JRK: variants seen among roughly 807,000 people sequenced by gnomAD.
JRK encodes jerky protein homolog.
For synonymous variants in JRK, 303 were observed against 218.1 expected (o/e 1.39, Z -3.43); for missense variants, 720 against 509.2 (o/e 1.41, Z -3.98).
At position 142,666,534 on chromosome 8, in the gene JRK, G is replaced by C. The variant is rs1847133450; in HGVS notation, c.-462-14C>G. ...GCACTTCAGGGGCTGGAAAGCAGAGGGAACAGAGAGGAAAGTGATGGGGCG... is the reference window on the plus strand; with the variant it reads ...GCACTTCAGGGGCTGGAAAGCAGAGCGAACAGAGAGGAAAGTGATGGGGCG... On this transcript the variant is annotated splice_polypyrimidine_tract_variant and intron_variant, in intron 1 of 1. Coordinates refer to ENST00000612905, the MANE Select transcript of JRK (RefSeq NM_003724.4). The C allele has an allele frequency of 4.0e-6, 1 of 249,390 alleles. No individual in the cohort carries two copies. Among genetic ancestry groups the C allele is most frequent in the African/African-American group, 2.8e-5 (1 of 35,866 alleles). The allele number at this position is 249,390 out of a possible 1,614,324, so 15.4% of individuals were successfully genotyped here.
In JRK at chr8:142,661,904, G is replaced by C. The variant is rs1234729195; in HGVS notation, c.*2448C>G. ...TCTCCATAAAGCGTTCTGGGGGACA[G>C]GACCGAGGCAAGAGGTATGCACCAG... On this transcript the variant is annotated 3_prime_UTR_variant, in exon 2 of 2. Transcript: ENST00000612905. The C allele has an allele frequency of 1.0e-6, 1 of 985,476 alleles. No homozygotes were observed. The highest frequency in any genetic ancestry group is 1.7e-5 in the African/African-American group (1 of 57,252). 61.0% of individuals were successfully genotyped at this position (985,476 alleles called of 1,614,324 possible).
the JRK span, among the ~76,000 whole-genome samples, chr8:142,649,104 G>T: frequency 6.6e-6 from 1 of 152,212 alleles, no homozygotes; most frequent in African/African-American, 2.4e-5. Flanking sequence ...TTGTATCTAG[G>T]AAGTAACTAA....
At position 142,666,405 on chromosome 8, in the gene JRK, A is replaced by C; in HGVS notation, c.-347T>G. The C allele has an allele frequency of 2.4e-6, 1 of 417,636 alleles. No individual in the cohort carries two copies. The highest frequency in any genetic ancestry group is 5.7e-5 in the East Asian group (1 of 17,678). 25.9% of individuals were successfully genotyped at this position (417,636 alleles called of 1,614,324 possible). On this transcript the variant is annotated 5_prime_UTR_variant, in exon 2 of 2. Coordinates refer to ENST00000612905, the MANE Select transcript of JRK (RefSeq NM_003724.4). ...AACTCCGGCCTTCTCTGTGGATACT[A>C]TGGCAGCGGCTCCCCTCAAACTGAC...
chr8:142,659,926 GA>G lies in JRK; in HGVS notation c.*4425del. ...ATGTCATCATCACTGCCCTGCAAGG[GA>G]AACAACAGATGTGCAAGGTCTGAGG... On this transcript the variant is annotated 3_prime_UTR_variant, in exon 2 of 2. Coordinates refer to ENST00000612905, the MANE Select transcript of JRK (RefSeq NM_003724.4). 1.0e-6 allele frequency: 1 copy of G among 985,576 alleles called. No homozygotes were observed. Among genetic ancestry groups the G allele is most frequent in the Non-Finnish European group, 1.2e-6 (1 of 830,000 alleles). 61.1% of individuals were successfully genotyped at this position (985,576 alleles called of 1,614,324 possible). A position where few individuals can be genotyped will look rare whatever the true frequency, so the allele number is the denominator to read the frequency against.
Position 142,666,463 on chromosome 8 carries a change from A to T in JRK, c.-405T>A. 1 of 332,570 alleles carries T rather than the reference A, an allele frequency of 3.0e-6. No individual in the cohort carries two copies. Among genetic ancestry groups the T allele is most frequent in the Non-Finnish European group, 6.1e-6 (1 of 163,868 alleles). 20.6% of individuals were successfully genotyped at this position (332,570 alleles called of 1,614,324 possible). A position where few individuals can be genotyped will look rare whatever the true frequency, so the allele number is the denominator to read the frequency against. Reference sequence around the variant, plus strand: ...GGGGTGGTAGAGGTTTTACCGCATAAGCAGCAGGTGCCTCTCCAGGGTCCA... The same window carrying T: ...GGGGTGGTAGAGGTTTTACCGCATATGCAGCAGGTGCCTCTCCAGGGTCCA... On this transcript the variant is annotated 5_prime_UTR_variant, in exon 2 of 2. Coordinates refer to ENST00000612905, the MANE Select transcript of JRK (RefSeq NM_003724.4).
At position 142,662,715 on chromosome 8, in the gene JRK, G is replaced by A. The variant is rs142787694; in HGVS notation, c.*1637C>T. The A allele has an allele frequency of 7.5e-3, 7,382 of 985,432 alleles. 29 individuals carry two copies. Among genetic ancestry groups the A allele is most frequent in the Non-Finnish European group, 8.3e-3 (6,884 of 829,930 alleles). 61.0% of individuals were successfully genotyped at this position (985,432 alleles called of 1,614,324 possible). On this transcript the variant is annotated 3_prime_UTR_variant, in exon 2 of 2. Coordinates refer to ENST00000612905, the MANE Select transcript of JRK (RefSeq NM_003724.4). The stretch of plus-strand genomic sequence containing the variant: ...ATGTGAAAGTACGAGAAACCACAGC[G>A]AGCCAAATCCTCTCCTTCATGAGAA...
chr8:142,645,681 GA>G, the JRK span, among the ~76,000 whole-genome samples: 27 of 147,360 alleles, frequency 1.8e-4, no homozygotes, highest in South Asian at 1.1e-3. Context: ...CTCCATCTCA[GA>G]AAAAAAAAAT....
In JRK at chr8:142,660,871, C is replaced by T; in HGVS notation, c.*3481G>A. 1.0e-6 allele frequency: 1 copy of T among 985,676 alleles called. No individual in the cohort carries two copies. The highest frequency in any genetic ancestry group is 1.2e-6 in the Non-Finnish European group (1 of 830,134). 61.1% of individuals were successfully genotyped at this position (985,676 alleles called of 1,614,324 possible). A position where few individuals can be genotyped will look rare whatever the true frequency, so the allele number is the denominator to read the frequency against. On this transcript the variant is annotated 3_prime_UTR_variant, in exon 2 of 2. Coordinates refer to ENST00000612905, the MANE Select transcript of JRK (RefSeq NM_003724.4). ...CTCAAACCGTGTCCCTCCACAAGCA[C>T]ATCCAGCCACTGGGACCCTGAACCT...
chr8:142,662,547 T>C lies in JRK; in HGVS notation c.*1805A>G, dbSNP rs963407250. On this transcript the variant is annotated 3_prime_UTR_variant, in exon 2 of 2. Transcript: ENST00000612905. ...AAGACAATGGGACACAAATGGGAACTGGGACTGTCGTTCAGCACCGAGATC... is the reference window on the plus strand; with the variant it reads ...AAGACAATGGGACACAAATGGGAACCGGGACTGTCGTTCAGCACCGAGATC... The C allele has an allele frequency of 6.3e-5, 62 of 985,358 alleles. No homozygotes were observed. Among genetic ancestry groups the C allele is most frequent in the Non-Finnish European group, 7.5e-5 (62 of 829,970 alleles). 61.0% of individuals were successfully genotyped at this position (985,358 alleles called of 1,614,324 possible).
chr8:142,654,090 G>A (rs2129660111), downstream of JRK, among the ~76,000 whole-genome samples: 1 of 152,286 alleles, frequency 6.6e-6, no homozygotes, highest in Admixed American at 6.5e-5. Flanking sequence ...CCACCCTGCA[G>A]GGTCTGCTGA....
the JRK span, among the ~76,000 whole-genome samples, chr8:142,648,920 T>C: frequency 2.2e-4 from 33 of 152,298 alleles, no homozygotes; most frequent in African/African-American, 7.2e-4. Context: ...CCCAAGACCA[T>C]GGGAACCCAC....
downstream of JRK, among the ~76,000 whole-genome samples, chr8:142,656,812 G>A (rs931854804): frequency 3.3e-5 from 5 of 152,160 alleles, no homozygotes; most frequent in South Asian, 2.1e-4. Flanking sequence ...TTGGTGGGAG[G>A]GGAATCAGCA....
Position 142,662,870 on chromosome 8 carries a change from C to A in JRK, c.*1482G>T. On this transcript the variant is annotated 3_prime_UTR_variant, in exon 2 of 2. Transcript: ENST00000612905. Reference sequence around the variant, plus strand: ...ACTGAAAATAACATAGCAAGAAAAACCTATTTAGGCCGAGTGCTGTGGCTC... The same window carrying A: ...ACTGAAAATAACATAGCAAGAAAAAACTATTTAGGCCGAGTGCTGTGGCTC... The A allele has an allele frequency of 3.0e-6, 3 of 985,174 alleles. No individual in the cohort carries two copies. The highest frequency in any genetic ancestry group is 3.6e-6 in the Non-Finnish European group (3 of 829,734). The allele number at this position is 985,174 out of a possible 1,614,324, so 61.0% of individuals were successfully genotyped here. A position where few individuals can be genotyped will look rare whatever the true frequency, so the allele number is the denominator to read the frequency against.
intron 1 of JRK, among the ~76,000 whole-genome samples, 180 bp from the exon 2 acceptor site, chr8:142,666,700 C>T (rs947147115): frequency 2.6e-5 from 4 of 152,226 alleles, no homozygotes; most frequent in Non-Finnish European, 5.9e-5. Flanking sequence ...CCAGCCTGCC[C>T]AGCCCCTGCA....
chr8:142,658,657 C>T lies in JRK; in HGVS notation c.*5695G>A. ...CCTAAGCCTAGTCACCTCCCAAAGG[C>T]CCCACCTCCTAATACCACCCTCCTG... On this transcript the variant is annotated 3_prime_UTR_variant, in exon 2 of 2. Coordinates refer to ENST00000612905, the MANE Select transcript of JRK (RefSeq NM_003724.4). 1.1e-6 allele frequency: 1 copy of T among 877,536 alleles called. No individual in the cohort carries two copies. The highest frequency in any genetic ancestry group is 1.6e-6 in the Non-Finnish European group (1 of 620,074). 54.4% of individuals were successfully genotyped at this position (877,536 alleles called of 1,614,324 possible).
chr8:142,669,640 G>C (rs1182868186), intron 1 of JRK, among the ~76,000 whole-genome samples: 5 of 152,072 alleles, frequency 3.3e-5, no homozygotes, highest in Non-Finnish European at 7.4e-5. Flanking sequence ...GTCAAGGCCA[G>C]GCCTGGCGGC....
At chr8:142,668,018 T>C (rs1847186335) in intron 1 of JRK, among the ~76,000 whole-genome samples, 1 of 152,206 alleles carries the variant, frequency 6.6e-6, no homozygotes, top group African/African-American at 2.4e-5. Context: ...GAAAAGCTGT[T>C]TGCCCAAACA....
Position 142,658,881 on chromosome 8 carries a change from A to T in JRK, c.*5471T>A. The T allele has an allele frequency of 1.9e-6, 3 of 1,613,618 alleles. No individual in the cohort carries two copies. The highest frequency in any genetic ancestry group is 2.5e-6 in the Non-Finnish European group (3 of 1,179,770). ...TATGTCTCTGTAGAGGCCTCCAGGC[A>T]GCACTTAGGAATTGCCAACTCCTCT... On this transcript the variant is annotated 3_prime_UTR_variant, in exon 2 of 2. Transcript: ENST00000612905.
In JRK at chr8:142,663,636, C is replaced by T. The variant is rs1846987273; in HGVS notation, c.*716G>A. The T allele has an allele frequency of 1.0e-6, 1 of 985,388 alleles. No homozygotes were observed. Among genetic ancestry groups the T allele is most frequent in the South Asian group, 4.7e-5 (1 of 21,292 alleles). The allele number at this position is 985,388 out of a possible 1,614,324, so 61.0% of individuals were successfully genotyped here. Reference sequence around the variant, plus strand: ...GGGCCTGGTCAGCCACTCCTACTTTCTTCCCAGAAAGGAACTCTACCAAGT... The same window carrying T: ...GGGCCTGGTCAGCCACTCCTACTTTTTTCCCAGAAAGGAACTCTACCAAGT... On this transcript the variant is annotated 3_prime_UTR_variant, in exon 2 of 2. Coordinates refer to ENST00000612905, the MANE Select transcript of JRK (RefSeq NM_003724.4).
Sources: gnomAD v4.1 joint callset for allele counts (sites outside exome capture counted in the v4.1 genomes callset) on GRCh38, gnomAD v4.1.1 for gene constraint, MANE v1.5 for transcripts, NCBI Gene and HGNC (gene_info 2026-07-23, HGNC 2026-07-21) for gene names.